The following LRP1B variants were observed in gnomAD, a reference collection of about 807,000 sequenced individuals.
LRP1B encodes LDL receptor related protein 1B.
LRP1B carries 217 observed loss-of-function variants against 556.6 expected under a neutral mutation model. The observed-to-expected ratio is 0.39, with a 90% CI of 0.35 to 0.44. The LOEUF is 0.44. Among genes scored for constraint, LRP1B ranks in the 20% least tolerant of loss-of-function variants. LRP1B has a pLI of 1.00. For missense variants in LRP1B, 5,053 were observed against 5,620.8 expected (o/e 0.90, Z 3.23); for synonymous variants, 2,047 against 1,865.8 (o/e 1.10, Z -2.50).
chr2:141,314,696 C>T (rs1346685309), intron 3 of LRP1B, among the ~76,000 whole-genome samples: 1 of 147,910 alleles, frequency 6.8e-6, no homozygotes, highest in Admixed American at 6.8e-5. Context: ...GAGGCTGAGG[C>T]AGGAGAATGG....
intron 2 of LRP1B, among the ~76,000 whole-genome samples, chr2:141,635,046 A>AG (rs766205485): frequency 0.25 from 17,145 of 68,178 alleles, 1,140 homozygotes; most frequent in South Asian, 0.36. Context: ...AACTATAGTG[A>AG]AACACACACA....
At chr2:141,516,444 T>C (rs1684314925) in intron 2 of LRP1B, among the ~76,000 whole-genome samples, 1 of 152,206 alleles carries the variant, frequency 6.6e-6, no homozygotes, top group African/African-American at 2.4e-5. Context: ...TAGATTTAAA[T>C]GTTACAGATC....
At chr2:142,113,420 T>C (rs1707071841) in intron 1 of LRP1B, among the ~76,000 whole-genome samples, 1 of 151,492 alleles carries the variant, frequency 6.6e-6, no homozygotes, top group African/African-American at 2.4e-5. Context: ...AAACTGGATA[T>C]ATACAAATAT....
chr2:140,971,613 C>A (rs1019635815), intron 18 of LRP1B, among the ~76,000 whole-genome samples: 4 of 152,108 alleles, frequency 2.6e-5, no homozygotes, highest in Non-Finnish European at 4.4e-5. Context: ...GGGCAGATCA[C>A]GACAAGGTCA....
intron 66 of LRP1B, among the ~76,000 whole-genome samples, chr2:140,431,364 T>C (rs1558877890): frequency 6.6e-6 from 1 of 152,128 alleles, no homozygotes; most frequent in Non-Finnish European, 1.5e-5. Context: ...CGCTCCTTTT[T>C]ATTAGGCCCC....
At chr2:141,964,474 G>A (rs1021053808) in intron 1 of LRP1B, among the ~76,000 whole-genome samples, 7 of 150,344 alleles carry the variant, frequency 4.7e-5, no homozygotes, top group Admixed American at 4.6e-4. Flanking sequence ...TGACAAACCT[G>A]AGAAAAACAA....
At chr2:140,365,532 G>A (rs1202035488) in intron 71 of LRP1B, among the ~76,000 whole-genome samples, 1 of 151,636 alleles carries the variant, frequency 6.6e-6, no homozygotes, top group Non-Finnish European at 1.5e-5. Flanking sequence ...ATACAGTGGA[G>A]GCTATAATGA....
intron 81 of LRP1B, 52 bp from the exon 82 acceptor site, chr2:140,322,140 T>C (rs1680172851): frequency 2.6e-6 from 4 of 1,521,926 alleles, no homozygotes; most frequent in Non-Finnish European, 3.6e-6. Context: ...TACAATAGGC[T>C]TCAAAAGCAT....
chr2:141,807,879 G>C (rs562271503), intron 2 of LRP1B, among the ~76,000 whole-genome samples: 1 of 152,144 alleles, frequency 6.6e-6, no homozygotes, highest in African/African-American at 2.4e-5. Flanking sequence ...TGGTACACTG[G>C]TGTGGGCCTT....
At chr2:140,933,964 AC>A (rs61229131) in intron 20 of LRP1B, among the ~76,000 whole-genome samples, 87,874 of 151,304 alleles carry the variant, frequency 0.58, 27,429 homozygotes, top group Non-Finnish European at 0.68. Context: ...GTCTTGGAAA[AC>A]AAAAAGAGGT....
At chr2:140,506,998 T>C (rs1689445884) in intron 52 of LRP1B, 80 bp from the exon 53 acceptor site, 5 of 1,386,138 alleles carry the variant, frequency 3.6e-6, no homozygotes, top group Non-Finnish European at 4.9e-6. Context: ...GGGGAATATA[T>C]AAAATCATAT....
intron 77 of LRP1B, among the ~76,000 whole-genome samples, chr2:140,336,933 T>A (rs1244338763): frequency 6.6e-6 from 1 of 151,780 alleles, no homozygotes; most frequent in East Asian, 1.9e-4. Flanking sequence ...AAACAATTAT[T>A]TGAAGGTGAT....
chr2:142,070,661 T>G (rs1470702460), intron 1 of LRP1B, among the ~76,000 whole-genome samples: 1 of 151,448 alleles, frequency 6.6e-6, no homozygotes, highest in East Asian at 1.9e-4. Context: ...AGGGAACATT[T>G]AATCCCTTTA....
chr2:141,758,865 T>TA (rs1376645708), intron 2 of LRP1B, among the ~76,000 whole-genome samples: 1 of 152,136 alleles, frequency 6.6e-6, no homozygotes, highest in Non-Finnish European at 1.5e-5. Context: ...TAATTAATTG[T>TA]AAAGGAGTGC....
At chr2:140,550,876 A>AT (rs1319961915) in intron 43 of LRP1B, among the ~76,000 whole-genome samples, 1 of 152,100 alleles carries the variant, frequency 6.6e-6, no homozygotes, top group Non-Finnish European at 1.5e-5. Flanking sequence ...CAGTATGATG[A>AT]TAATTGGAGG....
At chr2:142,046,867 G>T (rs1356367550) in intron 1 of LRP1B, among the ~76,000 whole-genome samples, 3 of 151,862 alleles carry the variant, frequency 2.0e-5, no homozygotes, top group African/African-American at 7.3e-5. Flanking sequence ...ATTTGGAAAT[G>T]GAATTATAAA....
intron 6 of LRP1B, among the ~76,000 whole-genome samples, chr2:141,200,093 T>C (rs911057126): frequency 1.3e-5 from 2 of 152,044 alleles, no homozygotes; most frequent in Non-Finnish European, 2.9e-5. Flanking sequence ...CAGAAGAATA[T>C]AAATCATTCT....
At chr2:140,635,083 T>C (rs1029547357) in intron 41 of LRP1B, among the ~76,000 whole-genome samples, 3 of 152,138 alleles carry the variant, frequency 2.0e-5, no homozygotes, top group African/African-American at 7.2e-5. Context: ...AATTTTTCTA[T>C]AAATCTCAAA....
intron 32 of LRP1B, among the ~76,000 whole-genome samples, chr2:140,804,784 A>C (rs1690655147): frequency 6.6e-6 from 1 of 151,180 alleles, no homozygotes; most frequent in Non-Finnish European, 1.5e-5. Flanking sequence ...TTTAATCCCC[A>C]AAAATATGAA....
Sources: allele counts gnomAD v4.1 joint callset (sites outside exome capture counted in the v4.1 genomes callset), GRCh38; gene constraint gnomAD v4.1.1; transcripts MANE v1.5; gene names NCBI Gene and HGNC (gene_info 2026-07-23, HGNC 2026-07-21).